SACM1L: variants seen among roughly 807,000 people sequenced by gnomAD.
SACM1L encodes the protein phosphatidylinositol-3-phosphatase SAC1.
In SACM1L, 32 loss-of-function variants were observed where a neutral mutation model predicts 89.5. The ratio of observed to expected loss-of-function variants is 0.36; its 90% CI spans 0.27 to 0.48. The LOEUF is 0.48. Ranked by LOEUF, SACM1L falls within the 20% of genes least tolerant of loss-of-function variation. The pLI is 0.99. For missense variants in SACM1L, 543 were observed against 708.5 expected (o/e 0.77, Z 2.65); for synonymous variants, 213 against 232.8 (o/e 0.92, Z 0.77).
intron 1 of SACM1L, among the ~76,000 whole-genome samples, chr3:45,695,608 T>C (rs942472407): frequency 1.3e-5 from 2 of 152,252 alleles, no homozygotes; most frequent in African/African-American, 2.4e-5. Context: ...TGCTACAGTT[T>C]TATGACATAT....
intron 11 of SACM1L, among the ~76,000 whole-genome samples, chr3:45,724,703 C>T (rs1411364208): frequency 6.6e-6 from 1 of 152,078 alleles, no homozygotes; most frequent in Non-Finnish European, 1.5e-5. Flanking sequence ...GAAATTGTCA[C>T]CAAATCCAAT....
intron 1 of SACM1L, among the ~76,000 whole-genome samples, chr3:45,699,438 TTTG>T (rs1008270525): frequency 3.3e-4 from 49 of 149,292 alleles, no homozygotes; most frequent in African/African-American, 1.1e-3. Flanking sequence ...ATAAAAATGT[TTTG>T]TTTTTATAAA....
intron 11 of SACM1L, among the ~76,000 whole-genome samples, chr3:45,723,811 A>T (rs944063707): frequency 6.6e-6 from 1 of 152,134 alleles, no homozygotes; most frequent in Non-Finnish European, 1.5e-5. Flanking sequence ...GTCTATTCTA[A>T]GTACCCTCAT....
intron 7 of SACM1L, among the ~76,000 whole-genome samples, chr3:45,717,905 G>T (rs1000086545): frequency 6.6e-6 from 1 of 152,224 alleles, no homozygotes; most frequent in African/African-American, 2.4e-5. Flanking sequence ...AGCAAAGCAA[G>T]AGCCTCTCTC....
At chr3:45,694,301 A>G (rs912681250) in intron 1 of SACM1L, among the ~76,000 whole-genome samples, 4 of 152,164 alleles carry the variant, frequency 2.6e-5, no homozygotes, top group African/African-American at 9.7e-5. Flanking sequence ...TGCCATTTTT[A>G]AAAGAGTCTC....
rs1404501771 is a variant in SACM1L at position 45,709,545 on chromosome 3, T to C, written c.381T>C (p.Asn127=). 9.3e-6 allele frequency: 15 copies of C among 1,613,696 alleles called. No homozygotes were observed. The highest frequency in any genetic ancestry group is 1.3e-5 in the Non-Finnish European group (15 of 1,179,804). ...TFLAMLNHVL[N]VDGFYFSTTY... is the part of the protein sequence containing the mutation. ...TAGCGATGCTAAACCATGTCTTGAA[T>C]GTGGATGGATTTTACTTTTCAACAA... is the stretch of plus-strand genomic sequence containing the variant. The change falls in exon 5 of 20, where the codon AAT becomes AAC. Residue 127 remains asparagine (N), a synonymous_variant. Transcript: ENST00000389061.
At chr3:45,737,560 C>A (rs568347048) in intron 14 of SACM1L, 23 bp from the exon 15 acceptor site, 1 of 1,585,668 alleles carries the variant, frequency 6.3e-7, no homozygotes, top group African/African-American at 1.4e-5. Flanking sequence ...ACACATAAAT[C>A]TGGGTGTGGT....
chr3:45,728,295 G>A (rs1186594432), intron 11 of SACM1L, among the ~76,000 whole-genome samples: 1 of 152,216 alleles, frequency 6.6e-6, no homozygotes, highest in African/African-American at 2.4e-5. Flanking sequence ...AGTAATTACT[G>A]ATAAGGATTT....
Position 45,691,923 on chromosome 3 carries a change from G to GACCT in SACM1L, c.32+2428_32+2431dup, listed in dbSNP as rs1344040613. ...TTACAATTTCCAGTTCCATCTTACT[G>GACCT]ACCTATAGGATCAAACTTGCATTTC... is the stretch of plus-strand genomic sequence containing the variant. On this transcript the variant is annotated intron_variant, in intron 1 of 19. Coordinates refer to ENST00000389061, the MANE Select transcript of SACM1L (RefSeq NM_014016.5). 3.3e-5 allele frequency among the ~76,000 whole-genome samples: 5 copies of GACCT among 152,222 alleles called. No homozygotes were observed. The East Asian group carries it at 7.7e-4, about 23-fold the overall frequency.
rs1254820254 is a variant in SACM1L, at chr3:45,703,292, A to G, written c.33-146A>G. On this transcript the variant is annotated intron_variant, in intron 1 of 19. Transcript: ENST00000389061. ...AAGTGAAAAGAGTTGCAGTGAACTC[A>G]TAAGGACAGCAAACTTAACAGATTC... 8 of 573,220 alleles carry G rather than the reference A, an allele frequency of 1.4e-5. No homozygotes were observed. The East Asian group carries it at 1.5e-4, about 11-fold the overall frequency. The allele number at this position is 573,220 out of a possible 1,614,324, so 35.5% of individuals were successfully genotyped here.
At chr3:45,723,983 CAT>C (rs1335642196) in intron 11 of SACM1L, among the ~76,000 whole-genome samples, 1 of 151,250 alleles carries the variant, frequency 6.6e-6, no homozygotes, top group Non-Finnish European at 1.5e-5. Flanking sequence ...CACACACACA[CAT>C]ATACATGCAT....
Position 45,714,163 on chromosome 3 carries a change from A to G in SACM1L, c.577+84A>G, listed in dbSNP as rs566285051. The stretch of plus-strand genomic sequence containing the variant: ...AAGGCAGATTTAGAGATAGTCTCAA[A>G]TACTCCATAAGGAGAGTATTTCAGA... On this transcript the variant is annotated intron_variant, in intron 7 of 19. Transcript: ENST00000389061. 5.9e-5 allele frequency: 45 copies of G among 757,088 alleles called. 1 individual carries two copies. In the South Asian group the frequency reaches 1.0e-3, roughly 17 times the overall value. The allele number at this position is 757,088 out of a possible 1,614,324, so 46.9% of individuals were successfully genotyped here.
intron 1 of SACM1L, among the ~76,000 whole-genome samples, chr3:45,702,117 A>G (rs553172752): frequency 1.3e-5 from 2 of 152,348 alleles, no homozygotes; most frequent in Non-Finnish European, 2.9e-5. Flanking sequence ...CCCCCAAATG[A>G]AGGAAACTAG....
chr3:45,740,549 G>A (rs1699291515), intron 19 of SACM1L, among the ~76,000 whole-genome samples: 1 of 152,182 alleles, frequency 6.6e-6, no homozygotes, highest in Admixed American at 6.5e-5. Context: ...CTTTGGCATA[G>A]TAAATTTGGA....
At chr3:45,723,153 T>C (rs1248838811) in intron 10 of SACM1L, among the ~76,000 whole-genome samples, 198 bp downstream of exon 10, 1 of 152,142 alleles carries the variant, frequency 6.6e-6, no homozygotes, top group Non-Finnish European at 1.5e-5. Context: ...AAAAACAAAC[T>C]ATGATTGAAT....
intron 12 of SACM1L, among the ~76,000 whole-genome samples, chr3:45,731,841 A>T (rs573262491): frequency 2.6e-5 from 4 of 152,178 alleles, no homozygotes; most frequent in African/African-American, 9.6e-5. Context: ...TCATATATAT[A>T]TTTTTTCCTC....
In SACM1L at chr3:45,731,384, C is replaced by T; in HGVS notation, c.1001+4C>T. 1.2e-6 allele frequency: 2 copies of T among 1,602,308 alleles called. No individual in the cohort carries two copies. The highest frequency in any genetic ancestry group is 1.7e-6 in the Non-Finnish European group (2 of 1,170,004). On this transcript the variant is annotated splice_donor_region_variant and intron_variant, in intron 12 of 19. Coordinates refer to ENST00000389061, the MANE Select transcript of SACM1L (RefSeq NM_014016.5). The stretch of plus-strand genomic sequence containing the variant: ...CCTTGGGAAGTGGAATGATGAGGTA[C>T]CTCACTAGAAATCTGTTGCAGGTCT...
chr3:45,735,098 G>A, intron 13 of SACM1L, 137 bp from the exon 14 acceptor site: 1 of 830,476 alleles, frequency 1.2e-6, no homozygotes. Context: ...ACATATGCCT[G>A]ACCACACATT....
chr3:45,744,125 T>G lies in SACM1L; in HGVS notation c.*456T>G, dbSNP rs1367149204. The G allele has an allele frequency of 6.5e-6, 1 of 153,088 alleles. No individual in the cohort carries two copies. The highest frequency in any genetic ancestry group is 1.5e-5 in the Non-Finnish European group (1 of 68,636). The allele number at this position is 153,088 out of a possible 1,614,324, so 9.5% of individuals were successfully genotyped here. On this transcript the variant is annotated 3_prime_UTR_variant, in exon 20 of 20. Coordinates refer to ENST00000389061, the MANE Select transcript of SACM1L (RefSeq NM_014016.5). The stretch of plus-strand genomic sequence containing the variant: ...TTTTCCACACATCTTTGGACTTTTC[T>G]TAAAAGTTCAGTAATAAGCTAACTG...
Sources: allele counts gnomAD v4.1 joint callset (sites outside exome capture counted in the v4.1 genomes callset), GRCh38; gene constraint gnomAD v4.1.1; transcripts MANE v1.5; gene names NCBI Gene and HGNC (gene_info 2026-07-23, HGNC 2026-07-21).